The following GLCE variants were observed in gnomAD, a reference collection of about 807,000 sequenced individuals.
The protein encoded by GLCE is glucuronic acid epimerase.
Under a neutral mutation model 47.9 loss-of-function variants are expected in GLCE, and 19 were observed. The ratio of observed to expected loss-of-function variants is 0.40; its 90% CI spans 0.28 to 0.58. GLCE has a LOEUF of 0.58. Ranked by LOEUF, GLCE falls within the 20% of genes least tolerant of loss-of-function variation. The probability of loss-of-function intolerance (pLI) is 0.48; values close to 1 mark genes in which losing one functional copy is unlikely to be tolerated. For synonymous variants in GLCE, 245 were observed against 263.4 expected, an observed-to-expected ratio of 0.93 and a Z score of 0.68; for missense variants, 556 against 743.3, an observed-to-expected ratio of 0.75 and a Z score of 2.93.
intron 2 of GLCE, among the ~76,000 whole-genome samples, chr15:69,249,966 A>C (rs531601938): frequency 6.6e-6 from 1 of 152,324 alleles, no homozygotes; most frequent in South Asian, 2.1e-4. Flanking sequence ...TGCTTACTGC[A>C]TGACATTTTC....
intron 2 of GLCE, among the ~76,000 whole-genome samples, chr15:69,249,681 T>C (rs761793803): frequency 2.6e-5 from 4 of 152,202 alleles, no homozygotes; most frequent in Non-Finnish European, 4.4e-5. Flanking sequence ...AAAAACCTAT[T>C]GAAAGGTTGT....
At chr15:69,206,708 A>G (rs183662705) in intron 1 of GLCE, among the ~76,000 whole-genome samples, 76 of 151,986 alleles carry the variant, frequency 5.0e-4, no homozygotes, top group Admixed American at 4.3e-3. Flanking sequence ...GGCTTATCAT[A>G]TATTTTCTCT....
intron 2 of GLCE, among the ~76,000 whole-genome samples, chr15:69,236,778 T>C (rs774611196): frequency 6.6e-5 from 10 of 152,320 alleles, no homozygotes; most frequent in Non-Finnish European, 1.2e-4. Flanking sequence ...GTGAAATAAC[T>C]GGCAGTGGAA....
At position 69,160,798 on chromosome 15, in the gene GLCE, G is replaced by T. The variant is rs1394070737; in HGVS notation, c.-105+41G>T. 6.6e-6 allele frequency: 1 copy of T among 152,572 alleles called. No homozygotes were observed. Among genetic ancestry groups the T allele is most frequent in the Non-Finnish European group, 1.5e-5 (1 of 68,284 alleles). The allele number at this position is 152,572 out of a possible 1,614,324, so 9.5% of individuals were successfully genotyped here. A position where few individuals can be genotyped will look rare whatever the true frequency, so the allele number is the denominator to read the frequency against. On this transcript the variant is annotated intron_variant, in intron 1 of 4. Transcript: ENST00000261858. The surrounding 1 kb of genome is among the most constrained non-coding windows in gnomAD (Gnocchi z 4.2). ...GCGCGTCTCCGCTGAGGAGCGGTCG[G>T]GGAGCGGGGACACGGAGCAGCCGGA...
At chr15:69,207,426 C>G (rs990717643) in intron 1 of GLCE, among the ~76,000 whole-genome samples, 1 of 152,064 alleles carries the variant, frequency 6.6e-6, no homozygotes, top group Non-Finnish European at 1.5e-5. Flanking sequence ...ACTCCATACC[C>G]CAACTCCTCT....
At chr15:69,267,246 CG>C (rs2053099263) in intron 4 of GLCE, among the ~76,000 whole-genome samples, 1 of 152,172 alleles carries the variant, frequency 6.6e-6, no homozygotes, top group Admixed American at 6.5e-5. Context: ...CCAGTGGCTT[CG>C]GAATAATAAC....
rs142163398 is a variant in GLCE at position 69,268,809 on chromosome 15, A to G, written c.1419A>G (p.Ala473=). The part of the protein sequence containing the change: ...DHIFLNSALR[A]TAPYKFLSEQ... Reference sequence around the variant, plus strand: ...TATTCCTCAATTCAGCTTTAAGGGCAACAGCCCCTTATAAGTTTCTATCTG... The same window carrying G: ...TATTCCTCAATTCAGCTTTAAGGGCGACAGCCCCTTATAAGTTTCTATCTG... The change falls in exon 5 of 5, where the codon GCA becomes GCG. Residue 473 remains alanine, a synonymous_variant. Transcript: ENST00000261858. 113 of 1,613,890 alleles carry G rather than the reference A, an allele frequency of 7.0e-5. No homozygotes were observed. The highest frequency in any genetic ancestry group is 1.2e-4 in the Admixed American group (7 of 60,014).
At chr15:69,250,397 C>T (rs71404205) in intron 2 of GLCE, among the ~76,000 whole-genome samples, 1 of 152,052 alleles carries the variant, frequency 6.6e-6, no homozygotes, top group South Asian at 2.1e-4. Context: ...CCCCGCCCCT[C>T]TGAAAAAAAC....
intron 2 of GLCE, among the ~76,000 whole-genome samples, chr15:69,245,792 C>T (rs745825363): frequency 3.9e-5 from 6 of 152,048 alleles, no homozygotes; most frequent in East Asian, 3.9e-4. Flanking sequence ...GCAGGGGCAC[C>T]GTGTGAGCTC....
chr15:69,190,267 G>C (rs1238230867), intron 1 of GLCE, among the ~76,000 whole-genome samples: 1 of 152,112 alleles, frequency 6.6e-6, no homozygotes, highest in Admixed American at 6.6e-5. Flanking sequence ...GTATTCTGCT[G>C]TAATTTGGTG....
chr15:69,167,140 C>T (rs902628763), intron 1 of GLCE, among the ~76,000 whole-genome samples: 6 of 151,994 alleles, frequency 3.9e-5, no homozygotes, highest in Non-Finnish European at 7.4e-5. Context: ...TGCTTGAACC[C>T]GGGACGCAGA....
At chr15:69,252,538 C>T (rs2052859563) in intron 2 of GLCE, among the ~76,000 whole-genome samples, 3 of 152,350 alleles carry the variant, frequency 2.0e-5, no homozygotes, top group South Asian at 2.1e-4. Flanking sequence ...CCCCTAGACC[C>T]CACCTCCAAC....
intron 1 of GLCE, among the ~76,000 whole-genome samples, chr15:69,182,331 A>G (rs896764342): frequency 2.1e-4 from 32 of 151,300 alleles, no homozygotes; most frequent in Non-Finnish European, 4.4e-5. Flanking sequence ...ATGTCCATCC[A>G]GCCACATGCA....
rs2051445627 is a variant in GLCE, at chr15:69,162,844, CA to C, written c.-105+2090del. ...AAGTGATCCTTCAGCCTCAGCTTCC[CA>C]AAGTACTGGGATTTAGAGGCGTGAG... is the stretch of plus-strand genomic sequence containing the variant. On this transcript the variant is annotated intron_variant, in intron 1 of 4. Coordinates refer to ENST00000261858, the MANE Select transcript of GLCE (RefSeq NM_015554.3). 3.3e-5 allele frequency among the ~76,000 whole-genome samples: 5 copies of C among 152,280 alleles called. No homozygotes were observed. In the South Asian group the frequency reaches 1.0e-3, roughly 32 times the overall value.
At position 69,256,296 on chromosome 15, in the gene GLCE, C is replaced by G; in HGVS notation, c.490C>G (p.Gln164Glu). 1 of 1,613,964 alleles carries G rather than the reference C, an allele frequency of 6.2e-7. No homozygotes were observed. Among genetic ancestry groups the G allele is most frequent in the South Asian group, 1.1e-5 (1 of 91,068 alleles). The change falls in exon 3 of 5, where the codon CAG (glutamine) becomes GAG (glutamate). Residue 164 changes from glutamine (Q) to glutamate (E), a missense_variant. By Grantham distance (29) the Gln-to-Glu change is conservative. This residue lies in a region of GLCE where 237 missense variants were observed against 310.9 expected (regional missense o/e 0.76). Transcript: ENST00000261858. ...FSHSYSKVYA[Q>E]RAPYHPDGVF... is the part of the protein sequence containing the mutation. The stretch of plus-strand genomic sequence containing the variant: ...TCATAGCTATTCCAAAGTCTATGCA[C>G]AGAGAGCCCCCTATCACCCCGATGG...
chr15:69,245,332 C>CAAAAAAA (rs34544477), intron 2 of GLCE, among the ~76,000 whole-genome samples: 2 of 79,194 alleles, frequency 2.5e-5, no homozygotes, highest in African/African-American at 4.8e-5. Context: ...GACTCTGTCT[C>CAAAAAAA]AAAAAAAAAA....
At chr15:69,249,040 A>G (rs1172527792) in intron 2 of GLCE, among the ~76,000 whole-genome samples, 1 of 152,240 alleles carries the variant, frequency 6.6e-6, no homozygotes, top group East Asian at 1.9e-4. Context: ...ATGAAGAAAA[A>G]TAAAACTGAG....
At chr15:69,226,007 C>T (rs183011489) in intron 2 of GLCE, among the ~76,000 whole-genome samples, 1 of 151,212 alleles carries the variant, frequency 6.6e-6, no homozygotes. Context: ...TTCATCAAAC[C>T]TCCCTCCTCT....
At position 69,266,351 on chromosome 15, in the gene GLCE, G is replaced by A. The variant is rs2053086232; in HGVS notation, c.830-1869G>A. 2.7e-5 allele frequency among the ~76,000 whole-genome samples: 4 copies of A among 150,770 alleles called. No homozygotes were observed. In the South Asian group the frequency reaches 8.4e-4, roughly 32 times the overall value. On this transcript the variant is annotated intron_variant, in intron 4 of 4. Transcript: ENST00000261858. ...TTTCCCTTTCTTTTTTTTTTTAAGA[G>A]ACAGAGTCTCATTCTGTCACCCAGA...
Sources: gnomAD v4.1 joint callset for allele counts (sites outside exome capture counted in the v4.1 genomes callset) on GRCh38, gnomAD v4.1.1 for gene constraint, gnomAD v4.1.1 regional missense constraint, Gnocchi (gnomAD v3.1) non-coding constraint, MANE v1.5 for transcripts, NCBI Gene and HGNC (gene_info 2026-07-23, HGNC 2026-07-21) for gene names.